DENND1B: variants seen among roughly 807,000 people sequenced by gnomAD.
The protein encoded by DENND1B is DENN domain containing 1B, also known as DENN domain-containing protein 1B.
In DENND1B, 59 loss-of-function variants were observed where a neutral mutation model predicts 90.1. The observed-to-expected ratio is 0.65, with a 90% CI of 0.53 to 0.81. DENND1B has a LOEUF of 0.81. Among genes scored for constraint, DENND1B ranks in the 40% least tolerant of loss-of-function variants. The pLI, the probability that DENND1B is intolerant of heterozygous loss-of-function variation, is 0.00. For synonymous variants in DENND1B, 337 were observed against 324.6 expected (o/e 1.04, Z -0.41); for missense variants, 862 against 912.6 (o/e 0.94, Z 0.71).
intron 5 of DENND1B, among the ~76,000 whole-genome samples, chr1:197,663,295 T>C (rs915162233): frequency 6.6e-6 from 1 of 152,152 alleles, no homozygotes; most frequent in African/African-American, 2.4e-5. Flanking sequence ...TTTGTAAACA[T>C]GTACTGGCTC....
intron 15 of DENND1B, among the ~76,000 whole-genome samples, chr1:197,574,622 G>A (rs9727209): frequency 2.2e-4 from 33 of 152,060 alleles, no homozygotes; most frequent in East Asian, 5.8e-4. Flanking sequence ...AAAAAAGAGC[G>A]CGCATTGCCA....
chr1:197,687,456 A>G (rs868353590), intron 3 of DENND1B, among the ~76,000 whole-genome samples: 55 of 152,154 alleles, frequency 3.6e-4, no homozygotes, highest in African/African-American at 1.3e-3. Context: ...TATGTCTAAG[A>G]CTTATCTATT....
chr1:197,767,865 T>C (rs558450983), intron 2 of DENND1B, among the ~76,000 whole-genome samples: 2 of 152,312 alleles, frequency 1.3e-5, no homozygotes, highest in South Asian at 4.1e-4. Flanking sequence ...TATACTCAAA[T>C]ATTTCCTCGC....
At chr1:197,548,017 T>C (rs1670942882) in intron 16 of DENND1B, among the ~76,000 whole-genome samples, 1 of 152,194 alleles carries the variant, frequency 6.6e-6, no homozygotes, top group East Asian at 1.9e-4. Context: ...CCAAAATGAA[T>C]GTAAGAAAGT....
intron 15 of DENND1B, among the ~76,000 whole-genome samples, chr1:197,554,853 AG>A (rs1671581296): frequency 2.0e-5 from 3 of 148,288 alleles, no homozygotes; most frequent in South Asian, 2.2e-4. Context: ...AAAAAAAAAA[AG>A]AGGGGGTGGG....
At chr1:197,534,501 G>A (rs1198303451) in intron 20 of DENND1B, among the ~76,000 whole-genome samples, 4 of 152,186 alleles carry the variant, frequency 2.6e-5, no homozygotes, top group Non-Finnish European at 5.9e-5. Flanking sequence ...TCTTTGGAAT[G>A]ACTGGGTAAT....
intron 1 of DENND1B, 73 bp downstream of exon 1, chr1:197,775,066 G>T: frequency 9.4e-7 from 1 of 1,063,260 alleles, no homozygotes; most frequent in Non-Finnish European, 1.2e-6. Context: ...CGGAGGCGCG[G>T]AGGAGCCGAG....
chr1:197,511,206 A>G (rs1481218956), intron 22 of DENND1B, among the ~76,000 whole-genome samples: 1 of 151,758 alleles, frequency 6.6e-6, no homozygotes, highest in Non-Finnish European at 1.5e-5. Flanking sequence ...TAGATTATAT[A>G]ATTAATGCCA....
intron 3 of DENND1B, among the ~76,000 whole-genome samples, chr1:197,705,409 TG>T (rs919752264): frequency 1.3e-5 from 2 of 152,136 alleles, no homozygotes; most frequent in African/African-American, 4.8e-5. Flanking sequence ...CTAAGAGTTA[TG>T]AATGTTCACC....
intron 16 of DENND1B, among the ~76,000 whole-genome samples, chr1:197,550,988 T>A (rs1292046045): frequency 6.6e-6 from 1 of 151,786 alleles, no homozygotes; most frequent in African/African-American, 2.4e-5. Context: ...GAAGAACAGG[T>A]TAATTTCATG....
intron 5 of DENND1B, among the ~76,000 whole-genome samples, chr1:197,662,617 GGTTT>G (rs111834527): frequency 7.1e-4 from 108 of 152,118 alleles, no homozygotes; most frequent in African/African-American, 2.5e-3. Context: ...ACAATGTGCA[GGTTT>G]GTTACATGTG....
intron 2 of DENND1B, among the ~76,000 whole-genome samples, chr1:197,740,407 A>G (rs774533938): frequency 5.3e-5 from 8 of 152,124 alleles, no homozygotes; most frequent in Non-Finnish European, 8.8e-5. Flanking sequence ...ATGATTTGAA[A>G]AGGCAGAGGG....
intron 3 of DENND1B, among the ~76,000 whole-genome samples, chr1:197,686,634 T>C (rs1657261590): frequency 6.6e-6 from 1 of 152,140 alleles, no homozygotes; most frequent in South Asian, 2.1e-4. Flanking sequence ...GATTCAAAGA[T>C]GAAAGTACTC....
chr1:197,552,998 AATC>A, intron 16 of DENND1B, 21 bp downstream of exon 16: 1 of 1,565,126 alleles, frequency 6.4e-7, no homozygotes. Flanking sequence ...GAAAATGGAT[AATC>A]ATATTGTAAC....
chr1:197,777,312 C>T (rs536015051), upstream of DENND1B, among the ~76,000 whole-genome samples: 1 of 152,256 alleles, frequency 6.6e-6, no homozygotes, highest in South Asian at 2.1e-4. Context: ...CAGTCATACC[C>T]TTGAACAGTA....
At chr1:197,718,503 A>C (rs1376438865) in intron 2 of DENND1B, among the ~76,000 whole-genome samples, 1 of 152,040 alleles carries the variant, frequency 6.6e-6, no homozygotes, top group Admixed American at 6.6e-5. Flanking sequence ...GTGGACACAT[A>C]ATGGTGAACT....
chr1:197,585,949 T>C (rs1355366068), intron 14 of DENND1B, among the ~76,000 whole-genome samples: 2 of 152,214 alleles, frequency 1.3e-5, no homozygotes, highest in East Asian at 1.9e-4. Flanking sequence ...ACCCAGGTTA[T>C]GAGTATTTGA....
intron 2 of DENND1B, among the ~76,000 whole-genome samples, chr1:197,769,918 T>C (rs1015411561): frequency 6.6e-6 from 1 of 152,158 alleles, no homozygotes; most frequent in Non-Finnish European, 1.5e-5. Flanking sequence ...AGAACATTGA[T>C]AAAATATTAC....
chr1:197,571,250 C>T (rs531232578), intron 15 of DENND1B, among the ~76,000 whole-genome samples: 1 of 152,274 alleles, frequency 6.6e-6, no homozygotes, highest in South Asian at 2.1e-4. Context: ...CAATCATGTG[C>T]CAGCTAAAAC....
Sources: gnomAD v4.1 joint callset for allele counts (sites outside exome capture counted in the v4.1 genomes callset) on GRCh38, gnomAD v4.1.1 for gene constraint, MANE v1.5 for transcripts, NCBI Gene and HGNC (gene_info 2026-07-23, HGNC 2026-07-21) for gene names.